The following GATAD2B variants were observed in gnomAD, a reference collection of about 807,000 sequenced individuals.
GATAD2B encodes the protein transcriptional repressor p66-beta.
GATAD2B carries 8 observed loss-of-function variants against 64.3 expected under a neutral mutation model. The observed-to-expected ratio is 0.12, with a 90% CI of 0.07 to 0.22. GATAD2B has a LOEUF of 0.22. Ranked by LOEUF, GATAD2B falls within the 10% of genes least tolerant of loss-of-function variation. GATAD2B has a pLI of 1.00. For missense variants in GATAD2B, 453 were observed against 752.0 expected, an observed-to-expected ratio of 0.60 and a Z score of 4.65; for synonymous variants, 281 against 271.3, an observed-to-expected ratio of 1.04 and a Z score of -0.35.
chr1:153,905,425 A>G (rs1384745461), intron 1 of GATAD2B, among the ~76,000 whole-genome samples: 1 of 151,820 alleles, frequency 6.6e-6, no homozygotes, highest in Non-Finnish European at 1.5e-5. Context: ...GTGAAATAAA[A>G]ACTATCTATA....
intron 2 of GATAD2B, among the ~76,000 whole-genome samples, chr1:153,824,072 C>T (rs1674782941): frequency 6.6e-6 from 1 of 152,146 alleles, no homozygotes; most frequent in African/African-American, 2.4e-5. Context: ...GTGGAAATAG[C>T]TGTCAGTATA....
intron 1 of GATAD2B, among the ~76,000 whole-genome samples, chr1:153,865,491 T>A (rs1676446459): frequency 1.3e-5 from 2 of 152,072 alleles, no homozygotes; most frequent in African/African-American, 4.8e-5. Context: ...AAAATCTACA[T>A]CTAATTCTAA....
At chr1:153,896,430 T>G (rs1410891729) in intron 1 of GATAD2B, among the ~76,000 whole-genome samples, 1 of 142,058 alleles carries the variant, frequency 7.0e-6, no homozygotes, top group African/African-American at 2.5e-5. Context: ...ACAGTAAAAT[T>G]TTCTTTTTTT....
At chr1:153,811,927 A>G in intron 9 of GATAD2B, 79 bp from the exon 10 acceptor site, 1 of 1,249,656 alleles carries the variant, frequency 8.0e-7, no homozygotes, top group Non-Finnish European at 1.2e-6. Context: ...GGAGTACAGA[A>G]GAAGACTATG....
intron 1 of GATAD2B, among the ~76,000 whole-genome samples, chr1:153,850,870 G>A (rs1269438997): frequency 3.3e-5 from 5 of 151,770 alleles, no homozygotes; most frequent in Non-Finnish European, 5.9e-5. Flanking sequence ...GCAGTGAGCC[G>A]GGAACGCGCC....
chr1:153,916,282 A>G (rs895223110), intron 1 of GATAD2B, among the ~76,000 whole-genome samples: 1 of 151,600 alleles, frequency 6.6e-6, no homozygotes, highest in African/African-American at 2.4e-5. Context: ...CTCAAGAAAA[A>G]AAAAAAAAAA....
At chr1:153,854,784 T>C (rs889203823) in intron 1 of GATAD2B, among the ~76,000 whole-genome samples, 10 of 152,136 alleles carry the variant, frequency 6.6e-5, no homozygotes, top group African/African-American at 1.2e-4. Context: ...AGACGACTAA[T>C]TGCAAAAGGA....
intron 1 of GATAD2B, among the ~76,000 whole-genome samples, chr1:153,889,882 A>G (rs761487620): frequency 6.6e-6 from 1 of 152,178 alleles, no homozygotes; most frequent in African/African-American, 2.4e-5. Flanking sequence ...CAATAGAAAG[A>G]TAAGAGGCCA....
intron 1 of GATAD2B, among the ~76,000 whole-genome samples, chr1:153,919,856 A>G (rs1678375586): frequency 6.6e-6 from 1 of 152,162 alleles, no homozygotes; most frequent in East Asian, 1.9e-4. Flanking sequence ...TTGTGCCTTG[A>G]TATGTAATAA....
chr1:153,824,329 T>A (rs750441047), intron 2 of GATAD2B, among the ~76,000 whole-genome samples: 8 of 151,994 alleles, frequency 5.3e-5, no homozygotes, highest in Non-Finnish European at 8.8e-5. Context: ...ATAACATTTT[T>A]AAAAAAATTG....
At chr1:153,868,774 CA>C (rs1676561573) in intron 1 of GATAD2B, among the ~76,000 whole-genome samples, 1 of 147,858 alleles carries the variant, frequency 6.8e-6, no homozygotes, top group Non-Finnish European at 1.5e-5. Context: ...CTTGCTCCGT[CA>C]CCCAGGGTGG....
At chr1:153,912,933 A>C (rs1678150152) in intron 1 of GATAD2B, among the ~76,000 whole-genome samples, 1 of 152,024 alleles carries the variant, frequency 6.6e-6, no homozygotes, top group Non-Finnish European at 1.5e-5. Context: ...TCTCTACTAA[A>C]AATACAAAAA....
chr1:153,850,940 T>G (rs1316743682), intron 1 of GATAD2B, among the ~76,000 whole-genome samples: 1 of 152,076 alleles, frequency 6.6e-6, no homozygotes, highest in Non-Finnish European at 1.5e-5. Context: ...AAAGTTTTTT[T>G]TTGTTTTATT....
Position 153,818,030 on chromosome 1 carries a change from G to C in GATAD2B, c.729+10C>G, listed in dbSNP as rs753734177. ...CCTCCAACACTAAGATCCCACTATG[G>C]GTCACATACCTGTAATGTTCTCAAA... On this transcript the variant is annotated intron_variant, in intron 5 of 10. Transcript: ENST00000368655. 2.2e-5 allele frequency: 35 copies of C among 1,590,028 alleles called. No individual in the cohort carries two copies. The Admixed American group carries it at 6.4e-4, about 29-fold the overall frequency.
chr1:153,859,985 T>G (rs1400014855), intron 1 of GATAD2B, among the ~76,000 whole-genome samples: 3 of 134,508 alleles, frequency 2.2e-5, no homozygotes, highest in Non-Finnish European at 4.6e-5. Context: ...TGGCGCGATC[T>G]CAGCTCACTG....
intron 1 of GATAD2B, among the ~76,000 whole-genome samples, chr1:153,859,225 G>A (rs1215745541): frequency 6.6e-6 from 1 of 151,784 alleles, no homozygotes. Context: ...AAATCAGGCA[G>A]GTGTGGTGGA....
chr1:153,848,438 T>C (rs1249469467), intron 1 of GATAD2B, among the ~76,000 whole-genome samples: 1 of 152,342 alleles, frequency 6.6e-6, no homozygotes, highest in Non-Finnish European at 1.5e-5. Flanking sequence ...TTCACTTGGC[T>C]TTTGGGACTT....
At chr1:153,892,522 A>G (rs1055168576) in intron 1 of GATAD2B, among the ~76,000 whole-genome samples, 1 of 152,186 alleles carries the variant, frequency 6.6e-6, no homozygotes, top group South Asian at 2.1e-4. Flanking sequence ...ATAGCTGCTC[A>G]TAACAATTGA....
Position 153,816,666 on chromosome 1 carries a change from T to C in GATAD2B, c.901-78A>G, listed in dbSNP as rs1674492446. 1 of 920,806 alleles carries C rather than the reference T, an allele frequency of 1.1e-6. No homozygotes were observed. Among genetic ancestry groups the C allele is most frequent in the Admixed American group, 2.1e-5 (1 of 47,160 alleles). 57.0% of individuals were successfully genotyped at this position (920,806 alleles called of 1,614,324 possible). On this transcript the variant is annotated intron_variant, in intron 6 of 10. Transcript: ENST00000368655. This position sits in a 1 kb window ranked among gnomAD's most constrained non-coding sequence, Gnocchi z 4.9. ...TTCTTACGTTCTTGGCAGAGGACACTGTCTGATCCTGGTTTGGACTACTTA... is the reference window on the plus strand; with the variant it reads ...TTCTTACGTTCTTGGCAGAGGACACCGTCTGATCCTGGTTTGGACTACTTA...
Sources: allele counts gnomAD v4.1 joint callset (sites outside exome capture counted in the v4.1 genomes callset), GRCh38; gene constraint gnomAD v4.1.1; non-coding constraint Gnocchi (gnomAD v3.1); transcripts MANE v1.5; gene names NCBI Gene and HGNC (gene_info 2026-07-23, HGNC 2026-07-21).